Variants in ACOT7 observed in about 807,000 individuals in gnomAD.
ACOT7 encodes the protein cytosolic acyl coenzyme A thioester hydrolase.
ACOT7 carries 12 observed loss-of-function variants against 40.2 expected under a neutral mutation model. The ratio of observed to expected loss-of-function variants is 0.30; its 90% CI spans 0.19 to 0.48. The LOEUF (loss-of-function observed/expected upper bound fraction) is 0.48, where lower values mean the gene tolerates loss of function less well. ACOT7 is among the 20% of genes least tolerant of loss of function. The pLI, the probability that ACOT7 is intolerant of heterozygous loss-of-function variation, is 0.99. For synonymous variants in ACOT7, 228 were observed against 219.5 expected (o/e 1.04, Z -0.34); for missense variants, 395 against 530.8 (o/e 0.74, Z 2.51).
intron 3 of ACOT7, among the ~76,000 whole-genome samples, chr1:6,335,252 A>G: frequency 6.7e-6 from 1 of 148,372 alleles, no homozygotes; most frequent in African/African-American, 2.5e-5. Context: ...GCTTGAACCC[A>G]GGAGGCAGAG....
intron 1 of ACOT7, among the ~76,000 whole-genome samples, chr1:6,388,679 G>A (rs1416690438): frequency 4.8e-5 from 7 of 146,594 alleles, no homozygotes; most frequent in Non-Finnish European, 8.9e-5. Context: ...GGCAGAGGCT[G>A]CAGTGAGCCA....
At chr1:6,304,798 C>A (rs1360423234) in intron 6 of ACOT7, among the ~76,000 whole-genome samples, 61 of 138,794 alleles carry the variant, frequency 4.4e-4, no homozygotes, top group African/African-American at 1.6e-3. Context: ...CTACCTCTTT[C>A]TACACAGACA....
rs1418343851 is a variant in ACOT7 at position 6,306,113 on chromosome 1, G to T, written c.713-11133C>A. The T allele has an allele frequency of 1.2e-5, 5 of 432,606 alleles. No homozygotes were observed. The highest frequency in any genetic ancestry group is 1.1e-4 in the African/African-American group (5 of 45,370). The allele number at this position is 432,606 out of a possible 1,614,324, so 26.8% of individuals were successfully genotyped here. ...CTGAGGCAGGAGAATCAGGCAGGGAGGTTGCAGTGAGCCAAGATGGCAGCA... is the reference window on the plus strand; with the variant it reads ...CTGAGGCAGGAGAATCAGGCAGGGATGTTGCAGTGAGCCAAGATGGCAGCA... On this transcript the variant is annotated intron_variant, in intron 6 of 8. Transcript: ENST00000361521. This position sits in a 1 kb window ranked among gnomAD's most constrained non-coding sequence, Gnocchi z 4.3.
At chr1:6,344,763 CAAAAAAAAAAAAAAAAAA>C (rs58594477) in intron 2 of ACOT7, among the ~76,000 whole-genome samples, 2 of 56,028 alleles carry the variant, frequency 3.6e-5, no homozygotes, top group Non-Finnish European at 9.1e-5. Context: ...GACTCTGTCT[CAAAAAAAAAAAAAAAAAA>C]AAAAAAAAAG....
rs1399742672 is a variant in ACOT7 at position 6,288,117 on chromosome 1, G to C, written c.829+6747C>G. 1.3e-5 allele frequency among the ~76,000 whole-genome samples: 2 copies of C among 152,088 alleles called. No homozygotes were observed. Among genetic ancestry groups the C allele is most frequent in the Non-Finnish European group, 2.9e-5 (2 of 68,008 alleles). On this transcript the variant is annotated intron_variant, in intron 7 of 8. Transcript: ENST00000361521. The surrounding 1 kb of genome is among the most constrained non-coding windows in gnomAD (Gnocchi z 4.3). ...GCAAGTGACCCCACAGCTCCCATTA[G>C]GGGCTCCACTGCTTGCCTGGGGGGC...
rs572333588 is a variant in ACOT7 at position 6,350,493 on chromosome 1, C to T, written c.144-627G>A. Among the ~76,000 whole-genome samples, 32 of 152,332 alleles carry T rather than the reference C, an allele frequency of 2.1e-4. No homozygotes were observed. The East Asian group carries it at 5.6e-3, about 27-fold the overall frequency. ...AGGAATGGAAACGCCACCTCACTTC[C>T]CCAAAGAGGAACAACTTCATCCTTG... On this transcript the variant is annotated intron_variant, in intron 1 of 8. Coordinates refer to ENST00000361521, the MANE Select transcript of ACOT7 (RefSeq NM_007274.4).
rs539043504 is a variant in ACOT7, at chr1:6,264,349, G to A, written c.*248C>T. 22 of 501,332 alleles carry A rather than the reference G, an allele frequency of 4.4e-5. No individual in the cohort carries two copies. The highest frequency in any genetic ancestry group is 8.7e-5 in the South Asian group (3 of 34,378). The allele number at this position is 501,332 out of a possible 1,614,324, so 31.1% of individuals were successfully genotyped here. Reference sequence around the variant, plus strand: ...AGCGTGCTCGGAAGCATTCCCGAGGGTTTCTGCCCAACGCCTCCCGGCGCT... The same window carrying A: ...AGCGTGCTCGGAAGCATTCCCGAGGATTTCTGCCCAACGCCTCCCGGCGCT... On this transcript the variant is annotated 3_prime_UTR_variant, in exon 9 of 9. Transcript: ENST00000361521.
chr1:6,345,684 C>T (rs567286853), intron 2 of ACOT7, among the ~76,000 whole-genome samples: 2 of 152,342 alleles, frequency 1.3e-5, no homozygotes, highest in African/African-American at 2.4e-5. Flanking sequence ...CCATGCCCAG[C>T]CCCGGCCGTC....
At chr1:6,310,192 G>A (rs1246097629) in intron 6 of ACOT7, among the ~76,000 whole-genome samples, 1 of 152,236 alleles carries the variant, frequency 6.6e-6, no homozygotes, top group Non-Finnish European at 1.5e-5. Context: ...CCACTTGGAG[G>A]CGGGAGCTGA....
chr1:6,361,905 G>A (rs983834418), intron 1 of ACOT7, among the ~76,000 whole-genome samples: 2 of 152,170 alleles, frequency 1.3e-5, no homozygotes, highest in Admixed American at 6.5e-5. Flanking sequence ...AGGAGCCCTC[G>A]AAACGCTCTT....
At chr1:6,313,702 C>G (rs1640405395) in intron 6 of ACOT7, among the ~76,000 whole-genome samples, 1 of 152,128 alleles carries the variant, frequency 6.6e-6, no homozygotes, top group African/African-American at 2.4e-5. Context: ...TGTGGCTCAC[C>G]AAGAGGGCAC....
chr1:6,305,226 G>C (rs1378480106), intron 6 of ACOT7, among the ~76,000 whole-genome samples: 1 of 149,454 alleles, frequency 6.7e-6, no homozygotes, highest in Non-Finnish European at 1.5e-5. Flanking sequence ...CTTCCCGGAC[G>C]GGGCGGCGGG....
intron 1 of ACOT7, among the ~76,000 whole-genome samples, chr1:6,389,976 T>C (rs920276286): frequency 3.9e-5 from 6 of 152,174 alleles, no homozygotes; most frequent in East Asian, 3.8e-4. Context: ...CAGTAAAGCA[T>C]TGTTAAATTC....
rs760366133 is a variant in ACOT7 at position 6,339,524 on chromosome 1, A to C, written c.327T>G (p.Gly109=). ...RTDFLSPMCI[G]EVAHVSAEIT... is the part of the protein sequence containing the mutation. ...TCTCCGCGCTGACATGCGCCACCTC[A>C]CCGATGCACATGGGAGACAGGAAGT... The change falls in exon 3 of 9, where the codon GGT becomes GGG. Residue 109 remains glycine (G), a synonymous_variant. Coordinates refer to ENST00000361521, the MANE Select transcript of ACOT7 (RefSeq NM_007274.4). The C allele has an allele frequency of 3.1e-6, 5 of 1,613,462 alleles. No individual in the cohort carries two copies. The highest frequency in any genetic ancestry group is 4.2e-6 in the Non-Finnish European group (5 of 1,179,964).
chr1:6,384,442 A>C (rs537952152), intron 1 of ACOT7, among the ~76,000 whole-genome samples: 2 of 152,064 alleles, frequency 1.3e-5, no homozygotes, highest in South Asian at 2.1e-4. Flanking sequence ...CTTTGGAAAC[A>C]GTCTGGTAAT....
chr1:6,384,167 A>C (rs1186557774), intron 1 of ACOT7, among the ~76,000 whole-genome samples: 3 of 151,930 alleles, frequency 2.0e-5, no homozygotes, highest in African/African-American at 7.2e-5. Flanking sequence ...AACAACAAAA[A>C]GACAATTACA....
intron 1 of ACOT7, chr1:6,360,649 G>A (rs1473763095): frequency 6.2e-6 from 10 of 1,614,242 alleles, no homozygotes; most frequent in Non-Finnish European, 8.5e-6. Flanking sequence ...CGAAGCAGGA[G>A]CATCGTCTCC....
Position 6,301,595 on chromosome 1 carries a change from G to T in ACOT7, c.713-6615C>A, listed in dbSNP as rs2148402749. 6.6e-6 allele frequency among the ~76,000 whole-genome samples: 1 copy of T among 152,316 alleles called. No homozygotes were observed. The stretch of plus-strand genomic sequence containing the variant: ...CTGACCCAACACAGAGCTGGCATCT[G>T]GTGCTCAGGAAATGGTTGCTGAATG... On this transcript the variant is annotated intron_variant, in intron 6 of 8. Transcript: ENST00000361521. The surrounding 1 kb of genome is among the most constrained non-coding windows in gnomAD (Gnocchi z 4.1).
At chr1:6,362,955 G>A (rs1417924880) in intron 1 of ACOT7, among the ~76,000 whole-genome samples, 1 of 152,050 alleles carries the variant, frequency 6.6e-6, no homozygotes, top group Non-Finnish European at 1.5e-5. Context: ...CAGGTGCCGA[G>A]GCAAGAGACC....
Sources: gnomAD v4.1 joint callset for allele counts (sites outside exome capture counted in the v4.1 genomes callset) on GRCh38, gnomAD v4.1.1 for gene constraint, Gnocchi (gnomAD v3.1) non-coding constraint, MANE v1.5 for transcripts, NCBI Gene and HGNC (gene_info 2026-07-23, HGNC 2026-07-21) for gene names.